The following PCGF5 variants were observed in gnomAD, a reference collection of about 807,000 sequenced individuals.
PCGF5 encodes polycomb group RING finger protein 5.
PCGF5 carries 9 observed loss-of-function variants against 44.3 expected under a neutral mutation model. That is an observed-to-expected ratio of 0.20 (90% CI 0.12 to 0.35). The LOEUF (loss-of-function observed/expected upper bound fraction) is 0.35, where lower values mean the gene tolerates loss of function less well. Ranked by LOEUF, PCGF5 falls within the 10% of genes least tolerant of loss-of-function variation. The pLI is 1.00. For missense variants in PCGF5, 146 were observed against 305.3 expected, an observed-to-expected ratio of 0.48 and a Z score of 3.89; for synonymous variants, 95 against 102.5, an observed-to-expected ratio of 0.93 and a Z score of 0.44.
chr10:91,234,034 A>G (rs1021489624), intron 2 of PCGF5, among the ~76,000 whole-genome samples: 1 of 152,228 alleles, frequency 6.6e-6, no homozygotes, highest in Admixed American at 6.5e-5. Flanking sequence ...ATATTTTGAC[A>G]TCAAAGCTGG....
chr10:91,210,233 T>C (rs772363114), intron 1 of PCGF5, among the ~76,000 whole-genome samples: 22 of 152,192 alleles, frequency 1.4e-4, no homozygotes, highest in Non-Finnish European at 2.5e-4. Context: ...AGATCCTTTT[T>C]CTGCCAGAGA....
chr10:91,219,257 C>T (rs914257674), upstream of PCGF5, among the ~76,000 whole-genome samples: 5 of 152,200 alleles, frequency 3.3e-5, no homozygotes, highest in African/African-American at 4.8e-5. Flanking sequence ...CCTTCAAGCT[C>T]GTTTCCTTCA....
At chr10:91,237,178 TATTAA>T (rs1414637762) in intron 2 of PCGF5, among the ~76,000 whole-genome samples, 1 of 152,200 alleles carries the variant, frequency 6.6e-6, no homozygotes, top group African/African-American at 2.4e-5. Context: ...AAGATTAGAT[TATTAA>T]ATTGTATTGA....
At chr10:91,259,461 T>C (rs1226340715) in intron 6 of PCGF5, among the ~76,000 whole-genome samples, 2 of 152,112 alleles carry the variant, frequency 1.3e-5, no homozygotes, top group Non-Finnish European at 2.9e-5. Flanking sequence ...CTTCACAGAA[T>C]TGGAAAAAAC....
At chr10:91,168,119 G>A (rs1843532121) in intron 1 of PCGF5, among the ~76,000 whole-genome samples, 1 of 152,222 alleles carries the variant, frequency 6.6e-6, no homozygotes, top group South Asian at 2.1e-4. Context: ...GGACCATCTA[G>A]ATGGATGAGA....
intron 3 of PCGF5, among the ~76,000 whole-genome samples, chr10:91,241,684 G>A (rs1422687432): frequency 6.7e-6 from 1 of 150,336 alleles, no homozygotes; most frequent in African/African-American, 2.4e-5. Context: ...AAAAAAAAAA[G>A]AAGCTACTCA....
chr10:91,280,056 G>A lies in PCGF5; in HGVS notation c.*1740G>A, dbSNP rs1456833577. ...TATGGCAATACTTTAACTTTGTTTT[G>A]TTACATTGTTTTTGTTCTTGGAATG... On this transcript the variant is annotated 3_prime_UTR_variant, in exon 10 of 10. Transcript: ENST00000336126. 1 of 151,830 alleles carries A rather than the reference G, an allele frequency of 6.6e-6. No homozygotes were observed. The highest frequency in any genetic ancestry group is 1.9e-4 in the East Asian group (1 of 5,184). 9.4% of individuals were successfully genotyped at this position (151,830 alleles called of 1,614,324 possible). A position where few individuals can be genotyped will look rare whatever the true frequency, so the allele number is the denominator to read the frequency against.
chr10:91,241,668 T>C (rs1458804406), intron 3 of PCGF5, among the ~76,000 whole-genome samples: 1 of 149,250 alleles, frequency 6.7e-6, no homozygotes, highest in East Asian at 2.0e-4. Flanking sequence ...ACTTTTGAAC[T>C]TAAAAAAAAA....
chr10:91,194,605 G>T (rs1300809486), intron 1 of PCGF5, among the ~76,000 whole-genome samples: 1 of 152,168 alleles, frequency 6.6e-6, no homozygotes, highest in Non-Finnish European at 1.5e-5. Context: ...GTCATAATTT[G>T]TTATCACAGC....
intron 1 of PCGF5, among the ~76,000 whole-genome samples, chr10:91,174,835 C>T (rs925836877): frequency 4.6e-5 from 7 of 152,116 alleles, no homozygotes; most frequent in Non-Finnish European, 8.8e-5. Flanking sequence ...GTGGATGGAA[C>T]GCATGTGTTT....
At chr10:91,176,655 T>C (rs1169183817) in intron 1 of PCGF5, among the ~76,000 whole-genome samples, 1 of 152,222 alleles carries the variant, frequency 6.6e-6, no homozygotes, top group Non-Finnish European at 1.5e-5. Flanking sequence ...TTTCATTCAT[T>C]TGATCTTCCA....
At chr10:91,201,234 C>T (rs1844246468) in intron 1 of PCGF5, among the ~76,000 whole-genome samples, 1 of 152,092 alleles carries the variant, frequency 6.6e-6, no homozygotes, top group South Asian at 2.1e-4. Context: ...CTGGTGAGGG[C>T]CTTCTTGCCG....
chr10:91,170,824 G>C (rs1013761135), intron 1 of PCGF5, among the ~76,000 whole-genome samples: 2 of 152,186 alleles, frequency 1.3e-5, no homozygotes, highest in Admixed American at 6.5e-5. Context: ...GTTTATAGTA[G>C]CTTTCTTCAT....
At chr10:91,198,054 T>C (rs1844175431) in intron 1 of PCGF5, among the ~76,000 whole-genome samples, 1 of 152,150 alleles carries the variant, frequency 6.6e-6, no homozygotes, top group African/African-American at 2.4e-5. Flanking sequence ...TTCTAATGGG[T>C]AGAGATAAAT....
At chr10:91,266,834 A>G (rs1846057704) in intron 8 of PCGF5, among the ~76,000 whole-genome samples, 1 of 152,136 alleles carries the variant, frequency 6.6e-6, no homozygotes, top group Non-Finnish European at 1.5e-5. Flanking sequence ...ATATACATTC[A>G]GAATCCAGCT....
At chr10:91,248,875 T>C (rs1845544496) in intron 5 of PCGF5, 151 bp downstream of exon 5, 1 of 669,878 alleles carries the variant, frequency 1.5e-6, no homozygotes, top group Non-Finnish European at 2.6e-6. Flanking sequence ...TTTTTCTCTA[T>C]ATGAGATTTT....
At position 91,271,659 on chromosome 10, in the gene PCGF5, G is replaced by GC. The variant is rs1382846767; in HGVS notation, c.686dup (p.Ser230PhefsTer25). 31 of 1,613,814 alleles carry GC rather than the reference G, an allele frequency of 1.9e-5. No homozygotes were observed. The highest frequency in any genetic ancestry group is 2.4e-5 in the Non-Finnish European group (28 of 1,179,916). On this transcript the variant is annotated frameshift_variant, in exon 9 of 10. Transcript: ENST00000336126. LOFTEE classifies it high-confidence loss of function. The stretch of plus-strand genomic sequence containing the variant: ...GCAGTTTCGGTGTCTGAACTGCTCA[G>GC]CTTCGCAAGTCTGCTCTCAGGATGG...
chr10:91,178,313 A>C (rs1843750106), intron 1 of PCGF5, among the ~76,000 whole-genome samples: 1 of 152,196 alleles, frequency 6.6e-6, no homozygotes, highest in African/African-American at 2.4e-5. Context: ...AGAAATTGCT[A>C]AAATTTTAAG....
At chr10:91,225,159 A>T (rs1258246819) in intron 2 of PCGF5, among the ~76,000 whole-genome samples, 4 of 150,064 alleles carry the variant, frequency 2.7e-5, no homozygotes, top group African/African-American at 9.7e-5. Flanking sequence ...AAGATTATAG[A>T]AGTATAAACA....
Sources: gnomAD v4.1 joint callset for allele counts (sites outside exome capture counted in the v4.1 genomes callset) on GRCh38, gnomAD v4.1.1 for gene constraint, MANE v1.5 for transcripts, NCBI Gene and HGNC (gene_info 2026-07-23, HGNC 2026-07-21) for gene names.